The following ZFYVE27 variants were observed in gnomAD, a reference collection of about 807,000 sequenced individuals.
ZFYVE27 encodes the protein zinc finger FYVE-type containing 27.
Under a neutral mutation model 52.8 loss-of-function variants are expected in ZFYVE27, and 36 were observed. The observed-to-expected ratio is 0.68, with a 90% CI of 0.52 to 0.90. The LOEUF is 0.90. Among genes scored for constraint, ZFYVE27 ranks in the 40% least tolerant of loss-of-function variants. The probability of loss-of-function intolerance (pLI) is 0.00; values close to 1 mark genes in which losing one functional copy is unlikely to be tolerated. For missense variants in ZFYVE27, 450 were observed against 527.2 expected, an observed-to-expected ratio of 0.85 and a Z score of 1.43; for synonymous variants, 223 against 215.6, an observed-to-expected ratio of 1.03 and a Z score of -0.30.
chr10:97,742,893 C>G (rs1387631973), intron 2 of ZFYVE27, among the ~76,000 whole-genome samples: 1 of 152,186 alleles, frequency 6.6e-6, no homozygotes, highest in Non-Finnish European at 1.5e-5. Flanking sequence ...TACCAGTTTC[C>G]TCACCCCAGG....
intron 10 of ZFYVE27, among the ~76,000 whole-genome samples, 156 bp downstream of exon 10, chr10:97,753,338 G>T (rs1218179981): frequency 6.6e-6 from 1 of 152,132 alleles, no homozygotes; most frequent in African/African-American, 2.4e-5. Flanking sequence ...GGGACCCCGG[G>T]GAGCTAGCAG....
At chr10:97,742,207 C>T (rs1042312057) in intron 2 of ZFYVE27, among the ~76,000 whole-genome samples, 2 of 151,180 alleles carry the variant, frequency 1.3e-5, no homozygotes, top group Admixed American at 1.3e-4. Context: ...TGATGTTTGT[C>T]TCTCTCCTAG....
At chr10:97,749,409 G>T (rs1465333953) in intron 5 of ZFYVE27, 65 bp from the exon 6 acceptor site, 2 of 1,243,156 alleles carry the variant, frequency 1.6e-6, no homozygotes. Context: ...CTGTGGGTGT[G>T]CTCCAAACCC....
Position 97,757,709 on chromosome 10 carries a change from C to T in ZFYVE27, c.1157C>T (p.Ser386Phe). 1 of 1,614,192 alleles carries T rather than the reference C, an allele frequency of 6.2e-7. No homozygotes were observed. The highest frequency in any genetic ancestry group is 8.5e-7 in the Non-Finnish European group (1 of 1,180,032). Reference sequence around the variant, plus strand: ...TGCTCCTTCAAGGTGCCCAAGTCCTCCATGGGGGCCACAGGTGAGTGGTGC... The same window carrying T: ...TGCTCCTTCAAGGTGCCCAAGTCCTTCATGGGGGCCACAGGTGAGTGGTGC... The part of the protein sequence containing the change: ...RCCSFKVPKS[S>F]MGATAPEAQR... Residue 386 changes from serine (S) to phenylalanine (F), a missense_variant, in exon 12 of 13, where the codon TCC (serine) becomes TTC (phenylalanine). Coordinates refer to ENST00000684270, the MANE Select transcript of ZFYVE27 (RefSeq NM_001385875.1).
At chr10:97,751,176 G>A (rs1158387547) in intron 7 of ZFYVE27, among the ~76,000 whole-genome samples, 3 of 152,176 alleles carry the variant, frequency 2.0e-5, no homozygotes, top group African/African-American at 4.8e-5. Context: ...ACCACTGTGC[G>A]ATGTGGCCAC....
At chr10:97,738,696 TCTGGTCTGCTCTGC>T (rs765822083) in intron 2 of ZFYVE27, 22 bp downstream of exon 2, 2 of 1,613,870 alleles carry the variant, frequency 1.2e-6, no homozygotes, top group Non-Finnish European at 1.7e-6. Context: ...GTGGAGTTGC[TCTGGTCTGCTCTGC>T]CTTCTGCCGT....
At chr10:97,753,763 C>T (rs796778907) in intron 10 of ZFYVE27, among the ~76,000 whole-genome samples, 15 of 152,308 alleles carry the variant, frequency 9.8e-5, no homozygotes, top group Admixed American at 5.9e-4. Flanking sequence ...CCCTGACCCA[C>T]GCTGTGGGTT....
At chr10:97,750,008 T>A (rs563082798) in intron 6 of ZFYVE27, 1 of 427,798 alleles carries the variant, frequency 2.3e-6, no homozygotes, top group African/African-American at 2.0e-5. Flanking sequence ...GGAGAGGCAC[T>A]GAGTCGCAGA....
Position 97,751,409 on chromosome 10 carries a change from G to T in ZFYVE27, c.823G>T (p.Val275Leu), listed in dbSNP as rs759151979. 2 of 1,613,976 alleles carry T rather than the reference G, an allele frequency of 1.2e-6. No individual in the cohort carries two copies. Among genetic ancestry groups the T allele is most frequent in the Admixed American group, 3.3e-5 (2 of 60,018 alleles). Reference protein sequence around the residue: ...TPTEDLTPGSVEEAEEAEPDE... With the variant: ...TPTEDLTPGSLEEAEEAEPDE... Reference sequence around the variant, plus strand: ...TTCCCAGGACCTCACACCGGGCAGCGTGGAGGAGGCTGAGGAGGCTGAGCC... The same window carrying T: ...TTCCCAGGACCTCACACCGGGCAGCTTGGAGGAGGCTGAGGAGGCTGAGCC... Residue 275 changes from valine to leucine, a missense_variant, in exon 8 of 13, where the codon GTG becomes TTG. Physicochemically the swap from Val to Leu is conservative, Grantham distance 32. Transcript: ENST00000684270.
At position 97,748,379 on chromosome 10, in the gene ZFYVE27, C is replaced by G. The variant is rs1266270139; in HGVS notation, c.551+15C>G. ...GTGTCCTCACAGTGAGTGACCCCTC[C>G]TCTCCCGCCACCACCCTATAGGAAT... On this transcript the variant is annotated intron_variant, in intron 5 of 12. Coordinates refer to ENST00000684270, the MANE Select transcript of ZFYVE27 (RefSeq NM_001385875.1). The G allele has an allele frequency of 6.2e-7, 1 of 1,612,550 alleles. No individual in the cohort carries two copies. Among genetic ancestry groups the G allele is most frequent in the Admixed American group, 1.7e-5 (1 of 59,806 alleles).
intron 3 of ZFYVE27, 96 bp from the exon 4 acceptor site, chr10:97,744,633 C>T: frequency 6.9e-7 from 1 of 1,447,086 alleles, no homozygotes; most frequent in Non-Finnish European, 9.5e-7. Context: ...ACTGGCAGAG[C>T]CCTGGAGGAG....
rs564039880 is a variant in ZFYVE27, at chr10:97,740,325, G to C, written c.197+1651G>C. Reference sequence around the variant, plus strand: ...GAGGTGAGCTAGTCAGTGTTCCAGAGCTGTGTTCTCTACTGTAAGATCACT... The same window carrying C: ...GAGGTGAGCTAGTCAGTGTTCCAGACCTGTGTTCTCTACTGTAAGATCACT... On this transcript the variant is annotated intron_variant, in intron 2 of 12. Coordinates refer to ENST00000684270, the MANE Select transcript of ZFYVE27 (RefSeq NM_001385875.1). 2.6e-5 allele frequency among the ~76,000 whole-genome samples: 4 copies of C among 152,340 alleles called. No homozygotes were observed. The East Asian group carries it at 5.8e-4, about 22-fold the overall frequency.
intron 3 of ZFYVE27, 41 bp from the exon 4 acceptor site, chr10:97,744,688 T>A: frequency 6.2e-7 from 1 of 1,610,406 alleles, no homozygotes; most frequent in Non-Finnish European, 8.5e-7. Flanking sequence ...ACTCCTGGTC[T>A]TTGCTTACCT....
At chr10:97,756,510 C>G (rs1247499808) in intron 10 of ZFYVE27, among the ~76,000 whole-genome samples, 2 of 152,182 alleles carry the variant, frequency 1.3e-5, no homozygotes, top group Non-Finnish European at 2.9e-5. Flanking sequence ...CATAGCAGGC[C>G]TATGGGCCCC....
chr10:97,755,317 C>G (rs2048081750), intron 10 of ZFYVE27, among the ~76,000 whole-genome samples: 1 of 152,214 alleles, frequency 6.6e-6, no homozygotes, highest in Non-Finnish European at 1.5e-5. Flanking sequence ...GCGAGGGGAG[C>G]TGCTTTGGGG....
At chr10:97,740,131 C>A (rs1020040504) in intron 2 of ZFYVE27, among the ~76,000 whole-genome samples, 3 of 152,208 alleles carry the variant, frequency 2.0e-5, no homozygotes, top group Admixed American at 6.5e-5. Flanking sequence ...CTCTGAAATA[C>A]ATGAGAGAGA....
At position 97,759,300 on chromosome 10, in the gene ZFYVE27, A is replaced by G. The variant is rs140695712; in HGVS notation, c.1236A>G (p.Ter412TrpextTer40). 17 of 1,614,018 alleles carry G rather than the reference A, an allele frequency of 1.1e-5. No homozygotes were observed. Among genetic ancestry groups the G allele is most frequent in the Non-Finnish European group, 1.4e-5 (16 of 1,180,030 alleles). Residue 412 changes from the stop codon to tryptophan (W), a stop_lost, in exon 13 of 13, where the codon TGA becomes TGG. Coordinates refer to ENST00000684270, the MANE Select transcript of ZFYVE27 (RefSeq NM_001385875.1). The stretch of plus-strand genomic sequence containing the variant: ...CGTGTAACCAGACCTTGAGCAAGTG[A>G]GAAGAGAGGCCAGGGTCCAACCAGG... Reference protein sequence around the residue: ...CASCNQTLSK* With the variant: ...CASCNQTLSKW
chr10:97,739,895 T>TC (rs1297337098), intron 2 of ZFYVE27, among the ~76,000 whole-genome samples: 1 of 151,844 alleles, frequency 6.6e-6, no homozygotes, highest in African/African-American at 2.4e-5. Context: ...GTTTTTTTTT[T>TC]TTTTTGCAAA....
chr10:97,759,019 A>G (rs1050097547), intron 12 of ZFYVE27, among the ~76,000 whole-genome samples: 1 of 152,154 alleles, frequency 6.6e-6, no homozygotes, highest in African/African-American at 2.4e-5. Flanking sequence ...TGTCTAATTC[A>G]TAGCACAGGA....
Sources: allele counts gnomAD v4.1 joint callset (sites outside exome capture counted in the v4.1 genomes callset), GRCh38; gene constraint gnomAD v4.1.1; transcripts MANE v1.5; gene names NCBI Gene and HGNC (gene_info 2026-07-23, HGNC 2026-07-21).